The following MCPH1 variants were observed in gnomAD, a reference collection of about 807,000 sequenced individuals.
MCPH1 encodes the protein microcephalin 1.
A neutral mutation model predicts 84.5 loss-of-function variants in MCPH1; 104 were observed. The observed-to-expected ratio is 1.23, with a 90% CI of 1.05 to 1.45. MCPH1 has a LOEUF of 1.45. MCPH1 is among the 40% of genes most tolerant of loss of function. The pLI is 0.00. For synonymous variants in MCPH1, 514 were observed against 366.8 expected (o/e 1.40, Z -4.58); for missense variants, 1,498 against 1,005.7 (o/e 1.49, Z -6.62).
At chr8:6,585,246 A>G (rs1456782025) in intron 12 of MCPH1, among the ~76,000 whole-genome samples, 1 of 152,234 alleles carries the variant, frequency 6.6e-6, no homozygotes, top group Non-Finnish European at 1.5e-5. Context: ...TCACTAGTGC[A>G]CAGCCATAAA....
intron 12 of MCPH1, among the ~76,000 whole-genome samples, chr8:6,570,164 CT>C (rs1235912740): frequency 6.6e-6 from 1 of 152,176 alleles, no homozygotes; most frequent in African/African-American, 2.4e-5. Context: ...ATGTGGATCG[CT>C]GGAAGAATAT....
chr8:6,570,170 G>T (rs1351325593), intron 12 of MCPH1, among the ~76,000 whole-genome samples: 1 of 152,208 alleles, frequency 6.6e-6, no homozygotes, highest in Admixed American at 6.5e-5. Flanking sequence ...ATCGCTGGAA[G>T]AATATGATGT....
intron 12 of MCPH1, among the ~76,000 whole-genome samples, chr8:6,504,621 T>A (rs144802280): frequency 9.9e-5 from 15 of 152,276 alleles, no homozygotes; most frequent in African/African-American, 3.6e-4. Context: ...AGCTGTAAAG[T>A]GCTTCCTTTA....
intron 12 of MCPH1, among the ~76,000 whole-genome samples, chr8:6,590,375 T>C (rs1828363237): frequency 1.3e-5 from 2 of 152,340 alleles, no homozygotes; most frequent in Admixed American, 6.5e-5. Flanking sequence ...TTATGTTTTC[T>C]GGAATGTCTC....
At chr8:6,500,282 G>T in intron 12 of MCPH1, 1 of 227,610 alleles carries the variant, frequency 4.4e-6, no homozygotes, top group South Asian at 6.7e-5. Flanking sequence ...TAGGTATAAA[G>T]ATTATGGCTT....
intron 3 of MCPH1, among the ~76,000 whole-genome samples, chr8:6,415,292 C>CTTTTT (rs1799107139): frequency 1.0e-4 from 1 of 9,760 alleles, no homozygotes; most frequent in Non-Finnish European, 3.9e-4. Context: ...GGGTTGGTAT[C>CTTTTT]TTCTTTTTTT....
intron 9 of MCPH1, among the ~76,000 whole-genome samples, chr8:6,457,477 C>T (rs902778569): frequency 6.6e-6 from 1 of 151,678 alleles, no homozygotes; most frequent in Non-Finnish European, 1.5e-5. Context: ...TGGTGGTGGG[C>T]ACCTGTAATC....
chr8:6,409,644 G>A (rs1157478091), intron 2 of MCPH1, among the ~76,000 whole-genome samples: 2 of 151,884 alleles, frequency 1.3e-5, no homozygotes, highest in Non-Finnish European at 2.9e-5. Flanking sequence ...TAAGCAAAGT[G>A]AGGAATACAG....
intron 3 of MCPH1, among the ~76,000 whole-genome samples, chr8:6,430,378 T>C (rs973806744): frequency 2.6e-5 from 4 of 152,176 alleles, no homozygotes; most frequent in African/African-American, 9.7e-5. Flanking sequence ...ACTGAGGGGA[T>C]AATGCGAGAT....
At chr8:6,631,335 T>C (rs763492657) in intron 13 of MCPH1, among the ~76,000 whole-genome samples, 2 of 152,092 alleles carry the variant, frequency 1.3e-5, no homozygotes, top group African/African-American at 4.8e-5. Context: ...AATTGCACTA[T>C]ATACAAATTA....
At chr8:6,627,362 C>T in intron 13 of MCPH1, 5 of 889,306 alleles carry the variant, frequency 5.6e-6, no homozygotes, top group Non-Finnish European at 5.4e-6. Context: ...CCCCTTCCAG[C>T]CCCTCTCCTC....
At chr8:6,572,089 AG>A (rs1478203552) in intron 12 of MCPH1, among the ~76,000 whole-genome samples, 1 of 152,334 alleles carries the variant, frequency 6.6e-6, no homozygotes, top group East Asian at 1.9e-4. Flanking sequence ...TAAAAGTCAA[AG>A]ACCGACTGAT....
intron 13 of MCPH1, chr8:6,625,613 T>G: frequency 1.0e-6 from 1 of 985,304 alleles, no homozygotes; most frequent in African/African-American, 1.7e-5. Context: ...TCAACTGCTT[T>G]GTAAGGTAGG....
At chr8:6,514,931 G>C (rs1322995215) in intron 12 of MCPH1, among the ~76,000 whole-genome samples, 1 of 152,114 alleles carries the variant, frequency 6.6e-6, no homozygotes, top group African/African-American at 2.4e-5. Flanking sequence ...GGTTGTCTAA[G>C]AAACAGATGG....
At chr8:6,599,851 A>C (rs1177705393) in intron 12 of MCPH1, among the ~76,000 whole-genome samples, 1 of 152,234 alleles carries the variant, frequency 6.6e-6, no homozygotes, top group Non-Finnish European at 1.5e-5. Flanking sequence ...GCTCCCATAT[A>C]CCAATTTTTG....
At position 6,499,951 on chromosome 8, in the gene MCPH1, G is replaced by A. The variant is rs762463911; in HGVS notation, c.2214+22G>A. On this transcript the variant is annotated intron_variant, in intron 12 of 13. Transcript: ENST00000344683. ...TCCCGTAAGTCAGATGTTGTTTTAC[G>A]ATGGTAAATGCAGTTTGCTGTTCTC... 4.3e-5 allele frequency: 69 copies of A among 1,595,922 alleles called. No homozygotes were observed. In the Admixed American group the frequency reaches 9.5e-4, roughly 22 times the overall value.
intron 3 of MCPH1, among the ~76,000 whole-genome samples, chr8:6,428,664 G>GT (rs1801410250): frequency 6.6e-6 from 1 of 152,128 alleles, no homozygotes; most frequent in Non-Finnish European, 1.5e-5. Context: ...TGTTTTCAAG[G>GT]TTCAGTATGT....
In MCPH1 at chr8:6,643,395, G is replaced by T. The variant is rs933207377; in HGVS notation, c.*346G>T. 5 of 328,590 alleles carry T rather than the reference G, an allele frequency of 1.5e-5. No homozygotes were observed. The Admixed American group carries it at 2.2e-4, about 15-fold the overall frequency. 20.4% of individuals were successfully genotyped at this position (328,590 alleles called of 1,614,324 possible). On this transcript the variant is annotated 3_prime_UTR_variant, in exon 14 of 14. Coordinates refer to ENST00000344683, the MANE Select transcript of MCPH1 (RefSeq NM_024596.5). ...TTCTGCTGCCTCAGCCTCCTGAGTA[G>T]CTGGGATTACAGATGTGTGCCACCA... is the stretch of plus-strand genomic sequence containing the variant.
chr8:6,502,868 T>C, intron 12 of MCPH1: 1 of 507,782 alleles, frequency 2.0e-6, no homozygotes, highest in South Asian at 3.1e-5. Flanking sequence ...TTTGCATAGG[T>C]GTTCTGTCTA....
Sources: gnomAD v4.1 joint callset for allele counts (sites outside exome capture counted in the v4.1 genomes callset) on GRCh38, gnomAD v4.1.1 for gene constraint, MANE v1.5 for transcripts, NCBI Gene and HGNC (gene_info 2026-07-23, HGNC 2026-07-21) for gene names.